OCA2: variants seen among roughly 807,000 people sequenced by gnomAD.
OCA2 encodes the protein P protein.
Under a neutral mutation model 100.2 loss-of-function variants are expected in OCA2, and 77 were observed. The observed-to-expected ratio is 0.77, with a 90% confidence interval of 0.64 to 0.93. The LOEUF (loss-of-function observed/expected upper bound fraction) is 0.93, where lower values mean the gene tolerates loss of function less well. Ranked by LOEUF, OCA2 falls within the 40% of genes least tolerant of loss-of-function variation. The probability of loss-of-function intolerance (pLI) is 0.00; values close to 1 mark genes in which losing one functional copy is unlikely to be tolerated. For missense variants in OCA2, 1,062 were observed against 1,089.1 expected (o/e 0.98, Z 0.35); for synonymous variants, 432 against 439.2 (o/e 0.98, Z 0.21).
At chr15:28,037,914 G>A (rs2043091069) in intron 2 of OCA2, among the ~76,000 whole-genome samples, 1 of 152,174 alleles carries the variant, frequency 6.6e-6, no homozygotes, top group African/African-American at 2.4e-5. Flanking sequence ...CAGCAGTCAT[G>A]GGGAGCCACA....
chr15:27,942,241 T>C (rs114696619), intron 18 of OCA2, among the ~76,000 whole-genome samples: 2 of 148,462 alleles, frequency 1.3e-5, no homozygotes, highest in Admixed American at 6.8e-5. Flanking sequence ...ATGATATACA[T>C]ACGATATACA....
At chr15:27,908,652 T>G (rs1378397856) in intron 19 of OCA2, among the ~76,000 whole-genome samples, 1 of 152,120 alleles carries the variant, frequency 6.6e-6, no homozygotes, top group South Asian at 2.1e-4. Flanking sequence ...CAGATCCATG[T>G]GAGGCTTCCT....
chr15:27,942,528 GACT>G (rs1022933060), intron 18 of OCA2, among the ~76,000 whole-genome samples: 4 of 152,052 alleles, frequency 2.6e-5, no homozygotes, highest in African/African-American at 9.7e-5. Flanking sequence ...GTGTGTGAGT[GACT>G]ACTAATGGGT....
At chr15:27,951,066 G>A (rs1426828070) in intron 18 of OCA2, among the ~76,000 whole-genome samples, 4 of 152,166 alleles carry the variant, frequency 2.6e-5, no homozygotes, top group Non-Finnish European at 5.9e-5. Context: ...TACCAATGGA[G>A]ATAACTGTGA....
At chr15:28,022,662 G>A in intron 5 of OCA2, 89 bp from the exon 6 acceptor site, 1 of 923,732 alleles carries the variant, frequency 1.1e-6, no homozygotes, top group Non-Finnish European at 1.8e-6. Flanking sequence ...AAACAGATGT[G>A]ATGATGGGGC....
intron 19 of OCA2, among the ~76,000 whole-genome samples, chr15:27,876,652 C>T (rs897872222): frequency 9.9e-5 from 15 of 151,842 alleles, no homozygotes; most frequent in East Asian, 3.9e-4. Context: ...TCTATTAAAA[C>T]GAGTCTATTT....
rs1387357829 is a variant in OCA2 at position 28,070,396 on chromosome 15, A to G, written c.227+11252T>C. Among the ~76,000 whole-genome samples, 154 of 128,638 alleles carry G rather than the reference A, an allele frequency of 1.2e-3. 1 individual carries two copies. The highest frequency in any genetic ancestry group is 5.1e-3 in the African/African-American group (151 of 29,526). The allele number at this position is 128,638 out of a possible 152,430, so 84.4% of individuals were successfully genotyped here. A position where few individuals can be genotyped will look rare whatever the true frequency, so the allele number is the denominator to read the frequency against. On this transcript the variant is annotated intron_variant, in intron 2 of 23. Transcript: ENST00000354638. ...GCCCGGCCGCCCCTACTGGGAAGTG[A>G]GGAGCCCCTCAGCCCGGCCAGCCAC...
chr15:27,790,754 T>G (rs2033041925), intron 23 of OCA2, among the ~76,000 whole-genome samples: 1 of 151,952 alleles, frequency 6.6e-6, no homozygotes, highest in African/African-American at 2.4e-5. Context: ...ATGGTAAAAT[T>G]TACTATATTC....
chr15:27,940,214 A>C (rs1487273936), intron 18 of OCA2, among the ~76,000 whole-genome samples: 1 of 152,200 alleles, frequency 6.6e-6, no homozygotes. Flanking sequence ...TACCAGATAA[A>C]ACATCATATC....
At chr15:27,969,806 C>T (rs536481284) in intron 14 of OCA2, among the ~76,000 whole-genome samples, 1 of 151,644 alleles carries the variant, frequency 6.6e-6, no homozygotes, top group South Asian at 2.1e-4. Context: ...CTAGGAATGA[C>T]GCTTCAGGCT....
Position 27,851,476 on chromosome 15 carries a change from C to T in OCA2, c.2245-1G>A, listed in dbSNP as rs1344047706. On this transcript the variant is annotated splice_acceptor_variant, in intron 21 of 23. Transcript: ENST00000354638. LOFTEE classifies it high-confidence loss of function. ...GGCTCAGGTTCAGGAGCACGGGAAT[C>T]TGTGGAGGAAGAGGACATTGATGCC... The T allele has an allele frequency of 1.2e-6, 2 of 1,612,354 alleles. No homozygotes were observed. The highest frequency in any genetic ancestry group is 3.3e-5 in the Admixed American group (2 of 59,854).
At chr15:27,954,509 T>C (rs1039292803) in intron 17 of OCA2, among the ~76,000 whole-genome samples, 2 of 152,158 alleles carry the variant, frequency 1.3e-5, no homozygotes, top group Non-Finnish European at 2.9e-5. Context: ...CTGACTCGCA[T>C]GGAGAGTGTG....
chr15:27,962,181 G>A (rs957554268), intron 15 of OCA2, among the ~76,000 whole-genome samples: 20 of 152,136 alleles, frequency 1.3e-4, no homozygotes, highest in East Asian at 3.9e-4. Flanking sequence ...GTAGTTCCCC[G>A]TGGCCTGTAG....
chr15:27,831,638 C>T (rs575410791), intron 23 of OCA2, among the ~76,000 whole-genome samples: 2 of 152,316 alleles, frequency 1.3e-5, no homozygotes, highest in South Asian at 4.1e-4. Flanking sequence ...CAGCCAGAGC[C>T]CTTCCAGAGG....
chr15:27,743,918 G>T, the OCA2 span, among the ~76,000 whole-genome samples: 1 of 152,204 alleles, frequency 6.6e-6, no homozygotes, highest in African/African-American at 2.4e-5. Flanking sequence ...CCACGTCATC[G>T]TTGCTTTTGA....
intron 21 of OCA2, among the ~76,000 whole-genome samples, chr15:27,863,518 A>C (rs927335817): frequency 3.9e-5 from 6 of 152,204 alleles, no homozygotes; most frequent in Admixed American, 1.3e-4. Flanking sequence ...GGGTCTGAGC[A>C]TCTGAGACCC....
At chr15:27,748,721 AT>A in the OCA2 span, among the ~76,000 whole-genome samples, 2 of 152,238 alleles carry the variant, frequency 1.3e-5, no homozygotes, top group South Asian at 4.1e-4. Context: ...AGTTGTACAA[AT>A]TATATGACAA....
At chr15:27,792,684 C>T (rs927581015) in intron 23 of OCA2, among the ~76,000 whole-genome samples, 2 of 152,208 alleles carry the variant, frequency 1.3e-5, no homozygotes, top group African/African-American at 4.8e-5. Context: ...ACCTCAACCA[C>T]ACCACCTAGC....
chr15:27,794,508 T>A (rs1473976514), intron 23 of OCA2, among the ~76,000 whole-genome samples: 5 of 152,194 alleles, frequency 3.3e-5, no homozygotes, highest in Non-Finnish European at 7.3e-5. Flanking sequence ...TCTTTGGCAT[T>A]AATTACTGCT....
Sources: gnomAD v4.1 joint callset for allele counts (sites outside exome capture counted in the v4.1 genomes callset) on GRCh38, gnomAD v4.1.1 for gene constraint, MANE v1.5 for transcripts, NCBI Gene and HGNC (gene_info 2026-07-23, HGNC 2026-07-21) for gene names.